Variants in ZMYND11 observed in about 807,000 individuals in gnomAD.
ZMYND11 encodes zinc finger MYND domain-containing protein 11.
ZMYND11 carries 9 observed loss-of-function variants against 84.9 expected under a neutral mutation model. The observed-to-expected ratio is 0.11, with a 90% CI of 0.06 to 0.18. The LOEUF is 0.18. Among genes scored for constraint, ZMYND11 ranks in the 10% least tolerant of loss-of-function variants. The probability of loss-of-function intolerance (pLI) is 1.00; values close to 1 mark genes in which losing one functional copy is unlikely to be tolerated. For missense variants in ZMYND11, 409 were observed against 761.0 expected (o/e 0.54, Z 5.44); for synonymous variants, 250 against 244.1 (o/e 1.02, Z -0.23).
intron 1 of ZMYND11, among the ~76,000 whole-genome samples, chr10:172,335 G>T (rs1158902822): frequency 6.6e-6 from 1 of 152,172 alleles, no homozygotes; most frequent in Non-Finnish European, 1.5e-5. Flanking sequence ...CAGATGACAT[G>T]ATCATTTATA....
rs545889194 is a variant in ZMYND11 at position 195,160 on chromosome 10, A to G, written c.117-14729A>G. 1.1e-4 allele frequency among the ~76,000 whole-genome samples: 17 copies of G among 152,316 alleles called. No individual in the cohort carries two copies. In the South Asian group the frequency reaches 2.9e-3, roughly 26 times the overall value. ...AATAATAGCTTCAGTGTGTGTTAAG[A>G]GACAGTAACTCTCAGCCTAGATTTA... is the stretch of plus-strand genomic sequence containing the variant. On this transcript the variant is annotated intron_variant, in intron 2 of 14. Transcript: ENST00000381604.
intron 1 of ZMYND11, among the ~76,000 whole-genome samples, chr10:159,730 G>C (rs568438687): frequency 6.6e-6 from 1 of 152,142 alleles, no homozygotes; most frequent in East Asian, 1.9e-4. Context: ...GTGTATTTGG[G>C]ATGTGCAAAG....
rs569083713 is a variant in ZMYND11 at position 237,817 on chromosome 10, C to T, written c.609+140C>T. Reference sequence around the variant, plus strand: ...TTTTTCCACTTCCTAAAACAAAAGACAGGCATAACTACCAAATGAAGCATT... The same window carrying T: ...TTTTTCCACTTCCTAAAACAAAAGATAGGCATAACTACCAAATGAAGCATT... On this transcript the variant is annotated intron_variant, in intron 6 of 14. Transcript: ENST00000381604. The T allele has an allele frequency of 4.6e-5, 26 of 569,352 alleles. 1 individual carries two copies. The highest frequency in any genetic ancestry group is 1.7e-4 in the Admixed American group (5 of 28,952). 35.3% of individuals were successfully genotyped at this position (569,352 alleles called of 1,614,324 possible).
intron 2 of ZMYND11, among the ~76,000 whole-genome samples, chr10:201,482 G>A (rs1943127626): frequency 6.6e-6 from 1 of 151,914 alleles, no homozygotes; most frequent in African/African-American, 2.4e-5. Context: ...TTGAATCATT[G>A]TTAGAAGGCT....
intron 2 of ZMYND11, among the ~76,000 whole-genome samples, chr10:183,959 G>T (rs1223232103): frequency 6.6e-6 from 1 of 152,158 alleles, no homozygotes; most frequent in Non-Finnish European, 1.5e-5. Context: ...GCACCTCCTG[G>T]CTACTCAGTG....
intron 2 of ZMYND11, among the ~76,000 whole-genome samples, chr10:185,493 T>C (rs1161174426): frequency 5.0e-5 from 4 of 80,782 alleles, no homozygotes; most frequent in African/African-American, 2.1e-4. Flanking sequence ...GGTTTTTCTT[T>C]AAAAAAAAAA....
intron 2 of ZMYND11, among the ~76,000 whole-genome samples, chr10:189,744 A>G (rs1039766900): frequency 6.6e-6 from 1 of 152,230 alleles, no homozygotes; most frequent in African/African-American, 2.4e-5. Flanking sequence ...AGAAAAACAT[A>G]CAAGGCACAT....
chr10:139,055 C>T (rs1836841714), intron 1 of ZMYND11, among the ~76,000 whole-genome samples: 1 of 152,058 alleles, frequency 6.6e-6, no homozygotes, highest in Non-Finnish European at 1.5e-5. Context: ...ATCCGCCTGC[C>T]TTGGCTTCCC....
intron 3 of ZMYND11, among the ~76,000 whole-genome samples, chr10:216,883 G>A (rs999710743): frequency 6.6e-6 from 1 of 151,886 alleles, no homozygotes; most frequent in Non-Finnish European, 1.5e-5. Flanking sequence ...TTAAATATAA[G>A]TAATATTTAA....
intron 1 of ZMYND11, among the ~76,000 whole-genome samples, chr10:151,179 C>T (rs782728636): frequency 1.3e-5 from 2 of 152,298 alleles, no homozygotes; most frequent in African/African-American, 2.4e-5. Context: ...TCCAAAGGAA[C>T]GCAGTCCTCA....
chr10:194,209 C>T (rs1410289274), intron 2 of ZMYND11, among the ~76,000 whole-genome samples: 4 of 148,786 alleles, frequency 2.7e-5, no homozygotes, highest in Non-Finnish European at 5.9e-5. Context: ...AGGCTGGTCT[C>T]GAACTCCAGG....
At chr10:218,376 C>T in intron 3 of ZMYND11, 1 of 196,354 alleles carries the variant, frequency 5.1e-6, no homozygotes, top group Non-Finnish European at 1.2e-5. Context: ...TGTGTGAAAT[C>T]CCTTTAGCCC....
At chr10:140,261 C>A (rs1837203455) in intron 1 of ZMYND11, among the ~76,000 whole-genome samples, 1 of 152,148 alleles carries the variant, frequency 6.6e-6, no homozygotes, top group East Asian at 1.9e-4. Flanking sequence ...GAACCCAAAT[C>A]AAAATACCCA....
chr10:225,903 C>G (rs570665804), intron 4 of ZMYND11, among the ~76,000 whole-genome samples: 5 of 152,112 alleles, frequency 3.3e-5, no homozygotes, highest in Non-Finnish European at 7.4e-5. Context: ...CAGGGCTGTT[C>G]GAGAGCTTCT....
intron 4 of ZMYND11, 111 bp from the exon 5 acceptor site, chr10:236,727 T>C: frequency 3.3e-6 from 3 of 903,242 alleles, no homozygotes; most frequent in South Asian, 1.8e-5. Flanking sequence ...AAGAGCACTT[T>C]TAGTAAACTC....
intron 2 of ZMYND11, among the ~76,000 whole-genome samples, chr10:202,738 A>C (rs1943446956): frequency 6.6e-6 from 1 of 152,186 alleles, no homozygotes. Context: ...AGTCCCTCAA[A>C]GACCAAAGAT....
intron 1 of ZMYND11, among the ~76,000 whole-genome samples, chr10:156,381 A>C (rs2131399136): frequency 6.6e-6 from 1 of 152,338 alleles, no homozygotes; most frequent in Non-Finnish European, 1.5e-5. Flanking sequence ...TTGCAATCAC[A>C]TCTTAAGAAA....
At chr10:183,006 T>C (rs780524495) in intron 2 of ZMYND11, among the ~76,000 whole-genome samples, 1 of 152,220 alleles carries the variant, frequency 6.6e-6, no homozygotes, top group African/African-American at 2.4e-5. Flanking sequence ...CAAGAATGCA[T>C]GTTAGTCATT....
chr10:197,166 G>A (rs889853350), intron 2 of ZMYND11, among the ~76,000 whole-genome samples: 4 of 147,356 alleles, frequency 2.7e-5, no homozygotes, highest in Middle Eastern at 3.6e-3. Flanking sequence ...CAATACATAC[G>A]CGTGGAAAGT....
Sources: allele counts gnomAD v4.1 joint callset (sites outside exome capture counted in the v4.1 genomes callset), GRCh38; gene constraint gnomAD v4.1.1; transcripts MANE v1.5; gene names NCBI Gene and HGNC (gene_info 2026-07-23, HGNC 2026-07-21).